The following ARHGEF28 variants were observed in gnomAD, a reference collection of about 807,000 sequenced individuals.
ARHGEF28 encodes the protein Rho guanine nucleotide exchange factor 28.
A neutral mutation model predicts 206.6 loss-of-function variants in ARHGEF28; 152 were observed. That is an observed-to-expected ratio of 0.74 (90% CI 0.64 to 0.84). The LOEUF (loss-of-function observed/expected upper bound fraction) is 0.84. ARHGEF28 is among the 40% of genes least tolerant of loss of function. The pLI is 0.00. For missense variants in ARHGEF28, 2,028 were observed against 2,073.2 expected (o/e 0.98, Z 0.42); for synonymous variants, 763 against 776.4 (o/e 0.98, Z 0.29).
chr5:73,775,122 A>G (rs1244104211), intron 5 of ARHGEF28, among the ~76,000 whole-genome samples: 1 of 152,210 alleles, frequency 6.6e-6, no homozygotes, highest in Non-Finnish European at 1.5e-5. Flanking sequence ...TCCTTGGCTA[A>G]AAAGGGCAAG....
chr5:73,786,004 A>G (rs1281333289), intron 7 of ARHGEF28, among the ~76,000 whole-genome samples: 1 of 150,370 alleles, frequency 6.7e-6, no homozygotes, highest in South Asian at 2.1e-4. Context: ...CATTCAGTAA[A>G]TATGTATTGA....
chr5:73,871,641 A>G (rs903867139), intron 21 of ARHGEF28, among the ~76,000 whole-genome samples: 6 of 152,104 alleles, frequency 3.9e-5, no homozygotes, highest in African/African-American at 1.5e-4. Flanking sequence ...TCACTCCTTT[A>G]CAAGTACACA....
chr5:73,893,125 A>T, intron 27 of ARHGEF28, 72 bp from the exon 28 acceptor site: 1 of 1,253,586 alleles, frequency 8.0e-7, no homozygotes, highest in South Asian at 1.9e-5. Context: ...CCAAGTTCCC[A>T]TGTTTTTCTA....
intron 14 of ARHGEF28, 116 bp downstream of exon 14, chr5:73,852,808 C>T: frequency 9.3e-7 from 1 of 1,070,788 alleles, no homozygotes; most frequent in South Asian, 1.3e-5. Flanking sequence ...TGTAACAAGC[C>T]TGCCTAAGAC....
At chr5:73,872,942 T>C in intron 21 of ARHGEF28, 57 bp from the exon 22 acceptor site, 2 of 1,584,792 alleles carry the variant, frequency 1.3e-6, no homozygotes, top group South Asian at 1.1e-5. Flanking sequence ...TTTAGTTTAA[T>C]AGCGAAACTT....
intron 1 of ARHGEF28, among the ~76,000 whole-genome samples, chr5:73,654,600 A>G (rs1201793447): frequency 6.6e-6 from 1 of 152,238 alleles, no homozygotes; most frequent in African/African-American, 2.4e-5. Flanking sequence ...ACCATGAGTC[A>G]TTAGCAGATG....
At chr5:73,871,774 C>T (rs984726694) in intron 21 of ARHGEF28, among the ~76,000 whole-genome samples, 2 of 152,224 alleles carry the variant, frequency 1.3e-5, no homozygotes, top group Non-Finnish European at 2.9e-5. Context: ...TTACCCCTTC[C>T]GCCAGCCTCT....
At chr5:73,761,174 G>T (rs950456485) in intron 4 of ARHGEF28, among the ~76,000 whole-genome samples, 1 of 152,168 alleles carries the variant, frequency 6.6e-6, no homozygotes, top group Non-Finnish European at 1.5e-5. Flanking sequence ...GTAGCAGGAT[G>T]CATATAGCAG....
intron 33 of ARHGEF28, among the ~76,000 whole-genome samples, chr5:73,908,087 T>C (rs1410855254): frequency 6.6e-6 from 1 of 152,202 alleles, no homozygotes; most frequent in Non-Finnish European, 1.5e-5. Context: ...TCATAGTAAT[T>C]AATACCTATT....
chr5:73,894,604 G>A (rs778839882), intron 29 of ARHGEF28, 29 bp downstream of exon 29: 11 of 1,604,234 alleles, frequency 6.9e-6, no homozygotes, highest in South Asian at 3.4e-5. Context: ...GGTTTGGGTC[G>A]ACACGTTCAG....
intron 2 of ARHGEF28, among the ~76,000 whole-genome samples, chr5:73,715,220 A>C (rs1749509078): frequency 6.6e-6 from 1 of 152,228 alleles, no homozygotes; most frequent in Non-Finnish European, 1.5e-5. Flanking sequence ...CCGGACCCAC[A>C]GTCAAAGCCT....
intron 28 of ARHGEF28, 115 bp downstream of exon 28, chr5:73,893,403 C>A: frequency 1.6e-6 from 1 of 633,848 alleles, no homozygotes; most frequent in Non-Finnish European, 2.4e-6. Flanking sequence ...GCACCTGAGG[C>A]CCACCTGGAC....
chr5:73,906,020 A>G (rs1488647078), intron 33 of ARHGEF28, among the ~76,000 whole-genome samples: 4 of 152,232 alleles, frequency 2.6e-5, no homozygotes, highest in Non-Finnish European at 4.4e-5. Flanking sequence ...ATGAAGCCTA[A>G]GTTTTCAGCA....
At chr5:73,676,188 A>T (rs1326397267) in intron 1 of ARHGEF28, among the ~76,000 whole-genome samples, 1 of 148,514 alleles carries the variant, frequency 6.7e-6, no homozygotes, top group African/African-American at 2.5e-5. Flanking sequence ...CTCCTGCCTC[A>T]GCCTCCTGAG....
intron 2 of ARHGEF28, among the ~76,000 whole-genome samples, chr5:73,737,446 T>TCTTTTCTTTTCTTTTCTTTA: frequency 3.5e-5 from 1 of 28,658 alleles, no homozygotes; most frequent in Non-Finnish European, 6.2e-5. Flanking sequence ...TTCCTTCTTT[T>TCTTTTCTTTTCTTTTCTTTA]CTTTTCTTTT....
intron 16 of ARHGEF28, among the ~76,000 whole-genome samples, chr5:73,861,535 C>T (rs1226370167): frequency 2.0e-5 from 3 of 152,168 alleles, no homozygotes; most frequent in African/African-American, 4.8e-5. Flanking sequence ...CAGGCTCAAG[C>T]GATTCTCCTG....
intron 7 of ARHGEF28, among the ~76,000 whole-genome samples, chr5:73,781,443 A>G (rs1753838540): frequency 6.6e-6 from 1 of 152,182 alleles, no homozygotes; most frequent in Admixed American, 6.5e-5. Flanking sequence ...TACCTAGCTC[A>G]TATGCAGGAA....
rs1757922269 is a variant in ARHGEF28 at position 73,840,538 on chromosome 5, C to G, written c.1205C>G (p.Pro402Arg). 1.2e-6 allele frequency: 2 copies of G among 1,613,786 alleles called. No homozygotes were observed. The highest frequency in any genetic ancestry group is 3.3e-5 in the Admixed American group (2 of 59,986). Residue 402 changes from proline (P) to arginine (R), a missense_variant, in exon 11 of 36, where the codon CCT (proline) becomes CGT (arginine). By Grantham distance (103) the Pro-to-Arg change is moderately radical. Coordinates refer to ENST00000513042, the MANE Select transcript of ARHGEF28 (RefSeq NM_001177693.2). ...NIEGITATTS[P>R]ESRGCTLWPQ... is the part of the protein sequence containing the mutation. ...GAGGGAATCACTGCCACTACCAGCC[C>G]TGAATCCAGAGGTTGCACTCTGTGG...
chr5:73,799,590 A>G (rs1263342597), intron 9 of ARHGEF28, among the ~76,000 whole-genome samples: 1 of 152,226 alleles, frequency 6.6e-6, no homozygotes, highest in East Asian at 1.9e-4. Context: ...AGATGTGGTG[A>G]CACTCATACT....
Sources: allele counts gnomAD v4.1 joint callset (sites outside exome capture counted in the v4.1 genomes callset), GRCh38; gene constraint gnomAD v4.1.1; transcripts MANE v1.5; gene names NCBI Gene and HGNC (gene_info 2026-07-23, HGNC 2026-07-21).